The following TMPRSS12 variants were observed in gnomAD, a reference collection of about 807,000 sequenced individuals.
TMPRSS12 encodes the protein transmembrane serine protease 12, also known as transmembrane protease serine 12.
Under a neutral mutation model 26.0 loss-of-function variants are expected in TMPRSS12, and 25 were observed. The observed-to-expected ratio is 0.96, with a 90% CI of 0.70 to 1.34. The LOEUF (loss-of-function observed/expected upper bound fraction) is 1.34, where lower values mean the gene tolerates loss of function less well. Ranked by LOEUF, TMPRSS12 falls within the 40% of genes most tolerant of loss-of-function variation. TMPRSS12 has a pLI of 0.00. For synonymous variants in TMPRSS12, 150 were observed against 161.7 expected (o/e 0.93, Z 0.55); for missense variants, 441 against 440.1 (o/e 1.00, Z -0.02).
chr12:50,844,040 AC>A lies in TMPRSS12; in HGVS notation c.383+4del. 3 of 1,541,908 alleles carry A rather than the reference AC, an allele frequency of 1.9e-6. No individual in the cohort carries two copies. Among genetic ancestry groups the A allele is most frequent in the Non-Finnish European group, 2.6e-6 (3 of 1,146,606 alleles). ...GCCCACTGCACTAAAGACGCTAGGT[AC>A]GTATTCAGAACACAACTATTTTTAT... On this transcript the variant is annotated splice_donor_region_variant and intron_variant, in intron 2 of 4. Transcript: ENST00000398458.
chr12:50,864,047 C>A (rs893004107), intron 3 of TMPRSS12, among the ~76,000 whole-genome samples: 3 of 152,110 alleles, frequency 2.0e-5, no homozygotes, highest in Non-Finnish European at 4.4e-5. Context: ...TATCGCCATC[C>A]CCATGTTTAC....
rs1592214821 is a variant in TMPRSS12, at chr12:50,843,064, T to C, written c.100T>C (p.Ser34Pro). The C allele has an allele frequency of 6.3e-7, 1 of 1,595,358 alleles. No homozygotes were observed. Among genetic ancestry groups the C allele is most frequent in the Non-Finnish European group, 8.5e-7 (1 of 1,171,482 alleles). The change falls in exon 1 of 5, where the codon TCG becomes CCG. Residue 34 changes from serine to proline, a missense_variant. By Grantham distance (74) the Ser-to-Pro change is moderately conservative. Coordinates refer to ENST00000398458, the MANE Select transcript of TMPRSS12 (RefSeq NM_182559.3). ...CTCTGGAAGGCACAGGCTCGGCCCC[T>C]CGCCGGAACCGGCGGCTAGTTCCCA... ...SPSGRHRLGP[S>P]PEPAASSQQA...
intron 2 of TMPRSS12, among the ~76,000 whole-genome samples, chr12:50,850,390 G>A (rs886139462): frequency 6.6e-6 from 1 of 152,082 alleles, no homozygotes; most frequent in Admixed American, 6.5e-5. Context: ...ACCAGCCTAG[G>A]CAAAATGGCG....
chr12:50,869,836 A>G (rs766071695), intron 3 of TMPRSS12, among the ~76,000 whole-genome samples: 6 of 152,212 alleles, frequency 3.9e-5, no homozygotes, highest in Non-Finnish European at 7.3e-5. Flanking sequence ...TAATCCCAGC[A>G]CTTTGGAAGG....
rs976595141 is a variant in TMPRSS12 at position 50,885,298 on chromosome 12, GAT to G, written c.706_707del (p.Met236ValfsTer2). Reference protein sequence around the residue: ...DAEVHYISREMCNSERSYGGI... With the variant: ...DAEVHYISREXCNSERSYGGI... ...CAGAAGTGCATTATATTTCTCGAGA[GAT>G]GTGTAATTCTGAGAGGAGTTATGGG... is the stretch of plus-strand genomic sequence containing the variant. On this transcript the variant is annotated frameshift_variant, in exon 4 of 5. Coordinates refer to ENST00000398458, the MANE Select transcript of TMPRSS12 (RefSeq NM_182559.3). LOFTEE classifies it high-confidence loss of function. The G allele has an allele frequency of 1.2e-6, 2 of 1,612,224 alleles. No homozygotes were observed. The highest frequency in any genetic ancestry group is 1.7e-6 in the Non-Finnish European group (2 of 1,179,492).
intron 3 of TMPRSS12, among the ~76,000 whole-genome samples, chr12:50,864,881 G>A (rs889247548): frequency 2.0e-5 from 3 of 152,008 alleles, no homozygotes; most frequent in Non-Finnish European, 2.9e-5. Context: ...GGATGGTCTC[G>A]ATCTCCTGAC....
chr12:50,883,058 G>C (rs1325967989), intron 3 of TMPRSS12, among the ~76,000 whole-genome samples: 1 of 152,212 alleles, frequency 6.6e-6, no homozygotes, highest in Non-Finnish European at 1.5e-5. Flanking sequence ...GTCAGGTACA[G>C]TGGCTCACAT....
intron 2 of TMPRSS12, among the ~76,000 whole-genome samples, chr12:50,855,909 C>G (rs1452048682): frequency 1.3e-5 from 2 of 152,186 alleles, no homozygotes; most frequent in African/African-American, 4.8e-5. Flanking sequence ...TTTGTAGCAA[C>G]TTGGCTGGAG....
chr12:50,877,679 C>A (rs1565937021), intron 3 of TMPRSS12, among the ~76,000 whole-genome samples: 1 of 152,232 alleles, frequency 6.6e-6, no homozygotes, highest in Non-Finnish European at 1.5e-5. Flanking sequence ...CAGCTCACTG[C>A]AATCTCTGCC....
chr12:50,885,816 C>T (rs916593725), intron 4 of TMPRSS12: 5 of 302,334 alleles, frequency 1.7e-5, no homozygotes, highest in East Asian at 6.0e-5. Flanking sequence ...TCACTATGCC[C>T]GGCCATTCTT....
At chr12:50,846,252 C>T (rs1937765706) in intron 2 of TMPRSS12, among the ~76,000 whole-genome samples, 1 of 152,062 alleles carries the variant, frequency 6.6e-6, no homozygotes, top group African/African-American at 2.4e-5. Context: ...ATGTTTTCTT[C>T]TAAGAGTTTT....
At chr12:50,853,704 C>A (rs1937849410) in intron 2 of TMPRSS12, among the ~76,000 whole-genome samples, 1 of 151,542 alleles carries the variant, frequency 6.6e-6, no homozygotes, top group Admixed American at 6.6e-5. Context: ...CTATTATGAA[C>A]ATCTGAATGT....
intron 3 of TMPRSS12, among the ~76,000 whole-genome samples, chr12:50,883,863 A>G (rs1374275845): frequency 6.6e-6 from 1 of 152,090 alleles, no homozygotes; most frequent in Non-Finnish European, 1.5e-5. Context: ...TTAGCTGGGC[A>G]TGATGGCACA....
At position 50,887,683 on chromosome 12, in the gene TMPRSS12, C is replaced by A; in HGVS notation, c.*170C>A. 1.4e-6 allele frequency: 1 copy of A among 719,828 alleles called. No homozygotes were observed. The highest frequency in any genetic ancestry group is 2.2e-6 in the Non-Finnish European group (1 of 462,146). The allele number at this position is 719,828 out of a possible 1,614,324, so 44.6% of individuals were successfully genotyped here. On this transcript the variant is annotated 3_prime_UTR_variant, in exon 5 of 5. Coordinates refer to ENST00000398458, the MANE Select transcript of TMPRSS12 (RefSeq NM_182559.3). Reference sequence around the variant, plus strand: ...CAGATATACAATTGTAATTTTGGCACTGAATCACATGTCTCCTTGAAATAT... The same window carrying A: ...CAGATATACAATTGTAATTTTGGCAATGAATCACATGTCTCCTTGAAATAT...
At chr12:50,871,754 T>A (rs544129005) in intron 3 of TMPRSS12, among the ~76,000 whole-genome samples, 15 of 151,460 alleles carry the variant, frequency 9.9e-5, no homozygotes, top group African/African-American at 3.6e-4. Flanking sequence ...GCAAAAAAAA[T>A]CCCATCAAAA....
At chr12:50,865,345 C>A (rs1240486473) in intron 3 of TMPRSS12, among the ~76,000 whole-genome samples, 2 of 151,956 alleles carry the variant, frequency 1.3e-5, no homozygotes, top group Admixed American at 6.6e-5. Context: ...AAAACAAAAA[C>A]AAAACTCATT....
intron 2 of TMPRSS12, among the ~76,000 whole-genome samples, chr12:50,845,546 A>G (rs1937759714): frequency 6.6e-6 from 1 of 152,202 alleles, no homozygotes; most frequent in African/African-American, 2.4e-5. Flanking sequence ...AATAAGTCCA[A>G]AATGGAATTT....
chr12:50,861,878 C>T (rs979188661), intron 3 of TMPRSS12, among the ~76,000 whole-genome samples: 1 of 150,958 alleles, frequency 6.6e-6, no homozygotes, highest in African/African-American at 2.4e-5. Flanking sequence ...GGCGCAATCT[C>T]GGCTCATTGC....
intron 3 of TMPRSS12, among the ~76,000 whole-genome samples, chr12:50,859,934 G>T (rs1472590651): frequency 6.6e-6 from 1 of 152,134 alleles, no homozygotes; most frequent in African/African-American, 2.4e-5. Flanking sequence ...ATCACTTTAT[G>T]CCATGAGATT....
Sources: gnomAD v4.1 joint callset for allele counts (sites outside exome capture counted in the v4.1 genomes callset) on GRCh38, gnomAD v4.1.1 for gene constraint, MANE v1.5 for transcripts, NCBI Gene and HGNC (gene_info 2026-07-23, HGNC 2026-07-21) for gene names.